The following STIM2 variants were observed in gnomAD, a reference collection of about 807,000 sequenced individuals.
STIM2 encodes stromal interaction molecule 2.
In STIM2, 31 loss-of-function variants were observed where a neutral mutation model predicts 85.8. The ratio of observed to expected loss-of-function variants is 0.36; its 90% confidence interval spans 0.27 to 0.49. The LOEUF (loss-of-function observed/expected upper bound fraction) is 0.49. Ranked by LOEUF, STIM2 falls within the 20% of genes least tolerant of loss-of-function variation. STIM2 has a pLI of 0.98. For synonymous variants in STIM2, 356 were observed against 331.1 expected (o/e 1.08, Z -0.82); for missense variants, 841 against 927.6 (o/e 0.91, Z 1.21).
chr4:26,967,346 G>A (rs1324564869), intron 3 of STIM2, among the ~76,000 whole-genome samples: 1 of 152,196 alleles, frequency 6.6e-6, no homozygotes, highest in Non-Finnish European at 1.5e-5. Context: ...AAGGGAGAGA[G>A]TAGCCTTGGG....
chr4:26,934,780 G>T (rs1043379448), intron 2 of STIM2, among the ~76,000 whole-genome samples: 1 of 152,008 alleles, frequency 6.6e-6, no homozygotes, highest in Admixed American at 6.6e-5. Context: ...GGGCATATTG[G>T]CACATGCCTG....
chr4:26,988,683 T>G (rs1211737585), intron 3 of STIM2, among the ~76,000 whole-genome samples: 2 of 152,200 alleles, frequency 1.3e-5, no homozygotes, highest in African/African-American at 4.8e-5. Flanking sequence ...AGATTCAATA[T>G]GATGATAAAA....
At chr4:26,870,901 CT>C (rs58728231) in intron 1 of STIM2, among the ~76,000 whole-genome samples, 5,815 of 140,734 alleles carry the variant, frequency 0.041, 193 homozygotes, top group African/African-American at 0.1. Flanking sequence ...TTAGTGAATC[CT>C]TTTTTTTTTT....
At chr4:26,956,224 G>A (rs1243920132) in intron 2 of STIM2, among the ~76,000 whole-genome samples, 4 of 152,046 alleles carry the variant, frequency 2.6e-5, no homozygotes, top group Admixed American at 2.0e-4. Context: ...GGTAGAAAAA[G>A]CATAAACAAT....
chr4:26,997,119 A>G (rs1727985399), intron 4 of STIM2, among the ~76,000 whole-genome samples: 1 of 152,182 alleles, frequency 6.6e-6, no homozygotes, highest in African/African-American at 2.4e-5. Flanking sequence ...AGCCCCTATT[A>G]TATAGTAATG....
intron 1 of STIM2, among the ~76,000 whole-genome samples, chr4:26,895,075 G>A (rs1181202919): frequency 1.3e-5 from 2 of 152,254 alleles, no homozygotes; most frequent in African/African-American, 4.8e-5. Context: ...AGCTGGGCAT[G>A]ATGGCGCACG....
intron 1 of STIM2, among the ~76,000 whole-genome samples, chr4:26,910,912 C>T (rs1724310200): frequency 6.6e-6 from 1 of 151,990 alleles, no homozygotes; most frequent in South Asian, 2.1e-4. Context: ...GGGAAGGGAC[C>T]TAAGGAATTG....
Position 27,024,050 on chromosome 4 carries a change from C to G in STIM2, c.*1054C>G, listed in dbSNP as rs894470933. 4 of 152,514 alleles carry G rather than the reference C, an allele frequency of 2.6e-5. No homozygotes were observed. The highest frequency in any genetic ancestry group is 7.2e-5 in the African/African-American group (3 of 41,388). The allele number at this position is 152,514 out of a possible 1,614,324, so 9.4% of individuals were successfully genotyped here. On this transcript the variant is annotated 3_prime_UTR_variant, in exon 12 of 12. Transcript: ENST00000467087. ...TGTAAGCTGTCTTGTTGCTTAGTTG[C>G]AATATAAGAAATAGTGATGTTTTGG...
rs953066034 is a variant in STIM2, at chr4:26,973,296, G to A, written c.397+15570G>A. Among the ~76,000 whole-genome samples, 3 of 152,128 alleles carry A rather than the reference G, an allele frequency of 2.0e-5. No homozygotes were observed. The South Asian group carries it at 6.2e-4, about 32-fold the overall frequency. ...CTTCTGCTAGCTTTTGAATGTGTTTGCTCTTGCTTCTCTAGTTCTTTTAAT... is the reference window on the plus strand; with the variant it reads ...CTTCTGCTAGCTTTTGAATGTGTTTACTCTTGCTTCTCTAGTTCTTTTAAT... On this transcript the variant is annotated intron_variant, in intron 3 of 11. Coordinates refer to ENST00000467087, the MANE Select transcript of STIM2 (RefSeq NM_020860.4).
Position 27,008,439 on chromosome 4 carries a change from T to C in STIM2, c.1161T>C (p.Ile387=). 6.3e-7 allele frequency: 1 copy of C among 1,582,564 alleles called. No homozygotes were observed. Among genetic ancestry groups the C allele is most frequent in the South Asian group, 1.2e-5 (1 of 82,388 alleles). ...TTTTCGGTTTCTAGGCAGAAAAAAT[T>C]AAAAAGAAGAGAAGCACAGTCTTTG... Residue 387 remains isoleucine, a synonymous_variant, in exon 9 of 12, where the codon ATT becomes ATC. Coordinates refer to ENST00000467087, the MANE Select transcript of STIM2 (RefSeq NM_020860.4).
chr4:27,010,689 C>T (rs1728529170), intron 10 of STIM2, among the ~76,000 whole-genome samples: 2 of 151,774 alleles, frequency 1.3e-5, no homozygotes, highest in African/African-American at 4.8e-5. Flanking sequence ...TTTTTTTTTA[C>T]CATGGATATG....
rs1429854062 is a variant in STIM2 at position 26,951,119 on chromosome 4, T to TG, written c.283-6490dup. ...TAATTTGTCAAATGTTTATTACTGGTGGGCAGTTTGGATAGTCATAAAATT... is the reference window on the plus strand; with the variant it reads ...TAATTTGTCAAATGTTTATTACTGGTGGGGCAGTTTGGATAGTCATAAAATT... On this transcript the variant is annotated intron_variant, in intron 2 of 11. Coordinates refer to ENST00000467087, the MANE Select transcript of STIM2 (RefSeq NM_020860.4). 5.9e-5 allele frequency among the ~76,000 whole-genome samples: 9 copies of TG among 152,160 alleles called. No homozygotes were observed. The East Asian group carries it at 1.2e-3, about 20-fold the overall frequency.
At chr4:27,010,163 G>A (rs1025947785) in intron 10 of STIM2, among the ~76,000 whole-genome samples, 2 of 152,128 alleles carry the variant, frequency 1.3e-5, no homozygotes, top group Non-Finnish European at 2.9e-5. Flanking sequence ...TAGAAATGTT[G>A]TGATCAGGCC....
chr4:26,877,992 C>G (rs1408675617), intron 1 of STIM2, among the ~76,000 whole-genome samples: 1 of 152,130 alleles, frequency 6.6e-6, no homozygotes, highest in Non-Finnish European at 1.5e-5. Flanking sequence ...TCACTAGATG[C>G]TGGTGTCTTC....
chr4:27,002,960 T>C lies in STIM2; in HGVS notation c.837T>C (p.Val279=). 1 of 1,593,268 alleles carries C rather than the reference T, an allele frequency of 6.3e-7. No individual in the cohort carries two copies. Among genetic ancestry groups the C allele is most frequent in the Non-Finnish European group, 8.5e-7 (1 of 1,172,844 alleles). ...AGGCACAGGAAGAAAACAGAAATGT[T>C]GCTGTAGAAAAGCAAAATTTAGAGC... is the stretch of plus-strand genomic sequence containing the variant. Residue 279 remains valine, a synonymous_variant, in exon 7 of 12, where the codon GTT becomes GTC. Transcript: ENST00000467087.
At chr4:26,887,182 A>ATT (rs1723282502) in intron 1 of STIM2, among the ~76,000 whole-genome samples, 1 of 117,110 alleles carries the variant, frequency 8.5e-6, no homozygotes, top group Non-Finnish European at 1.8e-5. Context: ...AAATAATTAA[A>ATT]CTTTTTTTTT....
chr4:27,017,806 G>T lies in STIM2; in HGVS notation c.1585G>T (p.Ala529Ser). The change falls in exon 11 of 12, where the codon GCT becomes TCT. Residue 529 changes from alanine to serine, a missense_variant. This residue lies in a region of STIM2 where 293 missense variants were observed against 284.5 expected (regional missense o/e 1.03). Coordinates refer to ENST00000467087, the MANE Select transcript of STIM2 (RefSeq NM_020860.4). ...GCCGTCCTCGCCTCAGCCTCAGCGA[G>T]CTCAGCTTGCTCCACACGCCCCCCA... The T allele has an allele frequency of 6.2e-7, 1 of 1,614,112 alleles. No homozygotes were observed. The highest frequency in any genetic ancestry group is 8.5e-7 in the Non-Finnish European group (1 of 1,180,018).
chr4:26,962,377 C>T (rs1218986426), intron 3 of STIM2, among the ~76,000 whole-genome samples: 1 of 152,160 alleles, frequency 6.6e-6, no homozygotes, highest in African/African-American at 2.4e-5. Flanking sequence ...GACTTAGTCT[C>T]ACAATATTTA....
At chr4:26,964,734 G>C (rs1401991937) in intron 3 of STIM2, among the ~76,000 whole-genome samples, 1 of 152,114 alleles carries the variant, frequency 6.6e-6, no homozygotes, top group African/African-American at 2.4e-5. Context: ...TGAAGAATGT[G>C]TTCTCTGTCC....
Sources: allele counts gnomAD v4.1 joint callset (sites outside exome capture counted in the v4.1 genomes callset), GRCh38; gene constraint gnomAD v4.1.1; regional missense constraint gnomAD v4.1.1; transcripts MANE v1.5; gene names NCBI Gene and HGNC (gene_info 2026-07-23, HGNC 2026-07-21).